PAPPA: variants seen among roughly 807,000 people sequenced by gnomAD.
PAPPA encodes the protein pappalysin-1.
A neutral mutation model predicts 164.0 loss-of-function variants in PAPPA; 60 were observed. The observed-to-expected ratio is 0.37, with a 90% CI of 0.30 to 0.45. The LOEUF is 0.45. PAPPA is among the 20% of genes least tolerant of loss of function. The pLI is 1.00. For synonymous variants in PAPPA, 875 were observed against 814.1 expected, an observed-to-expected ratio of 1.07 and a Z score of -1.27; for missense variants, 1,782 against 2,087.3, an observed-to-expected ratio of 0.85 and a Z score of 2.85.
intron 10 of PAPPA, chr9:116,316,221 C>T (rs1436881951): frequency 2.0e-5 from 3 of 152,202 alleles, no homozygotes; most frequent in Non-Finnish European, 2.9e-5. Flanking sequence ...ACATAGGTAC[C>T]ATCATCTCAT....
chr9:116,155,861 C>A (rs960032559), intron 1 of PAPPA, among the ~76,000 whole-genome samples: 2 of 152,100 alleles, frequency 1.3e-5, no homozygotes, highest in African/African-American at 2.4e-5. Context: ...CAGTGATTCC[C>A]CCCAACAACC....
chr9:116,391,798 T>G (rs909319142), intron 21 of PAPPA, among the ~76,000 whole-genome samples: 1 of 152,168 alleles, frequency 6.6e-6, no homozygotes, highest in Admixed American at 6.5e-5. Context: ...AATCCCCAAA[T>G]GTAAACTGGC....
At chr9:116,360,678 A>T (rs548244623) in intron 17 of PAPPA, among the ~76,000 whole-genome samples, 3 of 152,270 alleles carry the variant, frequency 2.0e-5, no homozygotes, top group African/African-American at 7.2e-5. Context: ...AATACATTCT[A>T]TCACTCTCCA....
chr9:116,161,401 C>G (rs1017075381), intron 1 of PAPPA, among the ~76,000 whole-genome samples: 3 of 152,174 alleles, frequency 2.0e-5, no homozygotes, highest in Non-Finnish European at 4.4e-5. Context: ...TAGCGACTTT[C>G]AAACTTTTCA....
rs1468043670 is a variant in PAPPA at position 116,254,799 on chromosome 9, AAAAG to A, written c.2733-11056_2733-11053del. 8.8e-3 allele frequency among the ~76,000 whole-genome samples: 1,320 copies of A among 150,480 alleles called. 21 individuals are homozygous for A. The highest frequency in any genetic ancestry group is 0.031 in the African/African-American group (1,264 of 40,678). ...TCCGTCTCAAAAAAAAAAAAAAAAA[AAAAG>A]AGAGAAAGAAAGACACTGAAAGGAT... On this transcript the variant is annotated intron_variant, in intron 7 of 21. Transcript: ENST00000328252.
At chr9:116,382,041 C>T (rs1269126124) in intron 20 of PAPPA, among the ~76,000 whole-genome samples, 1 of 152,156 alleles carries the variant, frequency 6.6e-6, no homozygotes, top group Non-Finnish European at 1.5e-5. Context: ...AGGAGGCTTA[C>T]ATTTCCTGGT....
chr9:116,174,967 TG>T (rs1843814493), intron 1 of PAPPA, among the ~76,000 whole-genome samples: 1 of 152,150 alleles, frequency 6.6e-6, no homozygotes, highest in Admixed American at 6.5e-5. Flanking sequence ...TCAAGAAAAC[TG>T]GTAGAATTTA....
intron 19 of PAPPA, among the ~76,000 whole-genome samples, chr9:116,372,406 G>A (rs1846587229): frequency 6.6e-6 from 1 of 152,076 alleles, no homozygotes; most frequent in African/African-American, 2.4e-5. Context: ...AAAAAGTTTG[G>A]CAACTAATTT....
At chr9:116,393,370 A>C (rs565949878) in intron 21 of PAPPA, among the ~76,000 whole-genome samples, 2 of 152,344 alleles carry the variant, frequency 1.3e-5, no homozygotes, top group South Asian at 4.1e-4. Flanking sequence ...GTCACCCAGC[A>C]ACTGACTGTA....
rs12351854 is a variant in PAPPA at position 116,271,999 on chromosome 9, T to C, written c.2953+583T>C. Among the ~76,000 whole-genome samples the C allele has an allele frequency of 0.087, 13,212 of 152,210 alleles. 1,441 individuals carry two copies. The highest frequency in any genetic ancestry group is 0.25 in the African/African-American group (10,395 of 41,498). Reference sequence around the variant, plus strand: ...TCTCTCTGATCTGAGGAAGGAGGAATAGCAGACCAGCCTGTGTTTAGAAAG... The same window carrying C: ...TCTCTCTGATCTGAGGAAGGAGGAACAGCAGACCAGCCTGTGTTTAGAAAG... On this transcript the variant is annotated intron_variant, in intron 9 of 21. Coordinates refer to ENST00000328252, the MANE Select transcript of PAPPA (RefSeq NM_002581.5). The surrounding 1 kb of genome is among the most constrained non-coding windows in gnomAD (Gnocchi z 4.2).
At chr9:116,174,172 C>T (rs778526277) in intron 1 of PAPPA, among the ~76,000 whole-genome samples, 9 of 152,198 alleles carry the variant, frequency 5.9e-5, no homozygotes, top group Non-Finnish European at 1.3e-4. Context: ...ATACCTGGCA[C>T]ACAGTAATCA....
intron 5 of PAPPA, among the ~76,000 whole-genome samples, chr9:116,225,085 C>CTGTA (rs1353332658): frequency 1.3e-5 from 2 of 152,198 alleles, no homozygotes; most frequent in African/African-American, 4.8e-5. Context: ...ACTCAGGTGG[C>CTGTA]TTTATGTGTA....
At chr9:116,338,413 T>C (rs1015673779) in intron 13 of PAPPA, among the ~76,000 whole-genome samples, 3 of 152,196 alleles carry the variant, frequency 2.0e-5, no homozygotes, top group Admixed American at 6.5e-5. Flanking sequence ...CAGGGAGAAC[T>C]TAGACTGTTG....
chr9:116,156,112 T>C (rs28436912), intron 1 of PAPPA, among the ~76,000 whole-genome samples: 4,012 of 149,412 alleles, frequency 0.027, 72 homozygotes, highest in African/African-American at 0.057. Context: ...GGAGGTGATT[T>C]TTTTTTTTTT....
chr9:116,283,687 A>G (rs973583866), intron 9 of PAPPA, among the ~76,000 whole-genome samples: 6 of 152,210 alleles, frequency 3.9e-5, no homozygotes, highest in African/African-American at 1.4e-4. Context: ...GTAAGTTTAA[A>G]TTTAACTATC....
At chr9:116,229,170 C>G (rs1844554774) in intron 6 of PAPPA, among the ~76,000 whole-genome samples, 1 of 152,182 alleles carries the variant, frequency 6.6e-6, no homozygotes, top group Non-Finnish European at 1.5e-5. Flanking sequence ...TGAAATATCA[C>G]AACACTATTA....
At chr9:116,383,790 C>T (rs1319387753) in intron 21 of PAPPA, among the ~76,000 whole-genome samples, 3 of 152,050 alleles carry the variant, frequency 2.0e-5, no homozygotes, top group South Asian at 2.1e-4. Context: ...TCTTTGGTTT[C>T]GGTTTGGTTT....
intron 21 of PAPPA, among the ~76,000 whole-genome samples, chr9:116,384,168 G>GT (rs779438814): frequency 3.3e-5 from 5 of 151,896 alleles, no homozygotes; most frequent in Admixed American, 6.6e-5. Flanking sequence ...GCTCACGGTT[G>GT]TAACTCCAGC....
At chr9:116,288,422 C>A in intron 9 of PAPPA, among the ~76,000 whole-genome samples, 1 of 101,828 alleles carries the variant, frequency 9.8e-6, no homozygotes, top group African/African-American at 3.6e-5. Flanking sequence ...TTTCTGTCTC[C>A]CTCCCTCCCT....
Sources: gnomAD v4.1 joint callset for allele counts (sites outside exome capture counted in the v4.1 genomes callset) on GRCh38, gnomAD v4.1.1 for gene constraint, Gnocchi (gnomAD v3.1) non-coding constraint, MANE v1.5 for transcripts, NCBI Gene and HGNC (gene_info 2026-07-23, HGNC 2026-07-21) for gene names.